ANO5: variants seen among roughly 807,000 people sequenced by gnomAD.
The protein encoded by ANO5 is anoctamin 5, also known as anoctamin-5.
ANO5 carries 109 observed loss-of-function variants against 121.0 expected under a neutral mutation model. The observed-to-expected ratio is 0.90, with a 90% CI of 0.77 to 1.06. ANO5 has a LOEUF of 1.06. Among genes scored for constraint, ANO5 ranks in the 50% least tolerant of loss-of-function variants. The pLI is 0.00. For synonymous variants in ANO5, 406 were observed against 359.9 expected (o/e 1.13, Z -1.45); for missense variants, 1,064 against 1,078.5 (o/e 0.99, Z 0.19).
intron 3 of ANO5, among the ~76,000 whole-genome samples, chr11:22,212,123 A>G (rs1173662240): frequency 6.6e-6 from 1 of 151,908 alleles, no homozygotes; most frequent in East Asian, 1.9e-4. Flanking sequence ...ATATGGAAAA[A>G]TATTTTCCTT....
intron 1 of ANO5, among the ~76,000 whole-genome samples, chr11:22,195,593 A>G (rs1383988994): frequency 6.6e-6 from 1 of 151,760 alleles, no homozygotes; most frequent in African/African-American, 2.4e-5. Context: ...CGACCTCCCC[A>G]GCTAATTATT....
At chr11:22,204,320 G>A (rs1280548354) in intron 2 of ANO5, among the ~76,000 whole-genome samples, 1 of 151,880 alleles carries the variant, frequency 6.6e-6, no homozygotes, top group Non-Finnish European at 1.5e-5. Context: ...TTTAACCAAA[G>A]GACTTCTTAT....
chr11:22,267,649 G>T (rs1221218246), intron 17 of ANO5, among the ~76,000 whole-genome samples: 1 of 150,696 alleles, frequency 6.6e-6, no homozygotes, highest in African/African-American at 2.5e-5. Flanking sequence ...AGAGGTACAT[G>T]TGCAGATTTG....
chr11:22,226,356 C>G (rs1157506497), intron 6 of ANO5, among the ~76,000 whole-genome samples: 5 of 151,962 alleles, frequency 3.3e-5, no homozygotes, highest in Admixed American at 1.3e-4. Context: ...AATCTGGTAC[C>G]CTAAATAATT....
chr11:22,192,954 G>C, upstream of ANO5: 1 of 984,312 alleles, frequency 1.0e-6, no homozygotes. Flanking sequence ...GAGCCAGCCG[G>C]GCCGGGGGGC....
chr11:22,248,867 C>T (rs918581445), intron 9 of ANO5, among the ~76,000 whole-genome samples: 12 of 151,748 alleles, frequency 7.9e-5, no homozygotes, highest in Non-Finnish European at 1.8e-4. Flanking sequence ...TTGATTCTGC[C>T]ATTTTTAAAA....
rs773359583 is a variant in ANO5, at chr11:22,257,773, A to T, written c.1407+19A>T. The stretch of plus-strand genomic sequence containing the variant: ...ATTATGGGTGAGCATTTCTTTAAAA[A>T]TTGCTATAATTTCTTCAACAGGTGA... On this transcript the variant is annotated intron_variant, in intron 14 of 21. Transcript: ENST00000324559. The T allele has an allele frequency of 7.9e-5, 125 of 1,586,588 alleles. No homozygotes were observed. Among genetic ancestry groups the T allele is most frequent in the Non-Finnish European group, 1.0e-4 (120 of 1,155,702 alleles).
At chr11:22,224,373 A>G (rs897357045) in intron 5 of ANO5, among the ~76,000 whole-genome samples, 5 of 152,150 alleles carry the variant, frequency 3.3e-5, no homozygotes, top group African/African-American at 7.2e-5. Flanking sequence ...TGGCATAACA[A>G]CAGACACACA....
intron 7 of ANO5, among the ~76,000 whole-genome samples, chr11:22,228,563 T>C (rs1852925746): frequency 6.6e-6 from 1 of 151,984 alleles, no homozygotes; most frequent in African/African-American, 2.4e-5. Flanking sequence ...CATCCTACTA[T>C]GCAATAGAAC....
At position 22,193,249 on chromosome 11, in the gene ANO5, C is replaced by T. The variant is rs916458077; in HGVS notation, c.-244C>T. The stretch of plus-strand genomic sequence containing the variant: ...AGCGCGCGAAGCAGGTTGTGGGGGA[C>T]CGGGTCGAGTGGAAGTACCCGCCGG... On this transcript the variant is annotated 5_prime_UTR_variant, in exon 1 of 22. Transcript: ENST00000324559. 13 of 1,134,656 alleles carry T rather than the reference C, an allele frequency of 1.1e-5. No homozygotes were observed. Among genetic ancestry groups the T allele is most frequent in the African/African-American group, 1.7e-5 (1 of 57,500 alleles). 70.3% of individuals were successfully genotyped at this position (1,134,656 alleles called of 1,614,324 possible).
At chr11:22,276,443 T>C (rs748916047) in intron 21 of ANO5, among the ~76,000 whole-genome samples, 4 of 151,798 alleles carry the variant, frequency 2.6e-5, no homozygotes, top group Non-Finnish European at 5.9e-5. Flanking sequence ...TATGGTTTTT[T>C]TCCCTTCAAG....
At chr11:22,214,883 A>C (rs565230412) in intron 3 of ANO5, among the ~76,000 whole-genome samples, 2 of 152,104 alleles carry the variant, frequency 1.3e-5, no homozygotes, top group Non-Finnish European at 2.9e-5. Context: ...TTATGACAGA[A>C]ACTCTATATC....
chr11:22,227,734 T>G lies in ANO5; in HGVS notation c.648+148T>G, dbSNP rs746310198. On this transcript the variant is annotated intron_variant, in intron 7 of 21. Transcript: ENST00000324559. ...TTGGTGATATTGGGGAGTTTGAAAG[T>G]CTAATTAGACCACATAAACGTATTA... is the stretch of plus-strand genomic sequence containing the variant. 5.1e-5 allele frequency: 51 copies of G among 997,860 alleles called. 1 individual carries two copies. Among genetic ancestry groups the G allele is most frequent in the Non-Finnish European group, 5.3e-5 (36 of 673,362 alleles). 61.8% of individuals were successfully genotyped at this position (997,860 alleles called of 1,614,324 possible).
intron 14 of ANO5, among the ~76,000 whole-genome samples, chr11:22,258,575 C>G (rs775024276): frequency 3.7e-4 from 57 of 152,220 alleles, no homozygotes; most frequent in South Asian, 2.7e-3. Flanking sequence ...GGGAAGTATA[C>G]AAAATTTATA....
intron 21 of ANO5, among the ~76,000 whole-genome samples, chr11:22,278,530 C>CTTT (rs552412650): frequency 2.2e-5 from 3 of 134,726 alleles, no homozygotes; most frequent in African/African-American, 8.1e-5. Context: ...GGTTCTTTTC[C>CTTT]TTTTTTTTTT....
Position 22,226,214 on chromosome 11 carries a change from A to G in ANO5, c.363+162A>G, listed in dbSNP as rs1009693008. Among the ~76,000 whole-genome samples the G allele has an allele frequency of 2.6e-5, 4 of 152,102 alleles. No individual in the cohort carries two copies. The South Asian group carries it at 6.2e-4, about 24-fold the overall frequency. Reference sequence around the variant, plus strand: ...GATAGGGCCTGTGGTCTTACAGGTAAGTAGATGAGTACTGTGAATATGCAG... The same window carrying G: ...GATAGGGCCTGTGGTCTTACAGGTAGGTAGATGAGTACTGTGAATATGCAG... On this transcript the variant is annotated intron_variant, in intron 6 of 21. Coordinates refer to ENST00000324559, the MANE Select transcript of ANO5 (RefSeq NM_213599.3).
At chr11:22,277,051 T>C (rs1364444569) in intron 21 of ANO5, among the ~76,000 whole-genome samples, 1 of 151,208 alleles carries the variant, frequency 6.6e-6, no homozygotes, top group African/African-American at 2.4e-5. Context: ...AAAGTAAACT[T>C]CTCAATTTTT....
intron 9 of ANO5, among the ~76,000 whole-genome samples, chr11:22,246,524 T>C (rs1253282295): frequency 1.3e-5 from 2 of 152,010 alleles, no homozygotes; most frequent in Non-Finnish European, 2.9e-5. Flanking sequence ...AGTAAAGGTT[T>C]TGTGGGTAGA....
At chr11:22,258,903 G>T (rs984611818) in intron 14 of ANO5, among the ~76,000 whole-genome samples, 5 of 152,160 alleles carry the variant, frequency 3.3e-5, no homozygotes, top group African/African-American at 7.2e-5. Context: ...GGAGGCCAAG[G>T]TAGGCAGATC....
Sources: allele counts gnomAD v4.1 joint callset (sites outside exome capture counted in the v4.1 genomes callset), GRCh38; gene constraint gnomAD v4.1.1; transcripts MANE v1.5; gene names NCBI Gene and HGNC (gene_info 2026-07-23, HGNC 2026-07-21).